Variants in PRH1 observed in about 807,000 individuals in gnomAD.
PRH1 encodes the protein salivary acidic proline-rich phosphoprotein 1/2.
Under a neutral mutation model 7.9 loss-of-function variants are expected in PRH1, and 7 were observed. The ratio of observed to expected loss-of-function variants is 0.89; its 90% CI spans 0.50 to 1.67. The LOEUF (loss-of-function observed/expected upper bound fraction) is 1.67, where lower values mean the gene tolerates loss of function less well. Ranked by LOEUF, PRH1 falls within the 40% of genes most tolerant of loss-of-function variation. PRH1 has a pLI of 0.00. For missense variants in PRH1, 109 were observed against 223.6 expected, an observed-to-expected ratio of 0.49 and a Z score of 3.27; for synonymous variants, 45 against 80.8, an observed-to-expected ratio of 0.56 and a Z score of 2.38.
intron 2 of PRH1, among the ~76,000 whole-genome samples, chr12:10,928,228 C>T (rs1591687310): frequency 1.3e-5 from 2 of 152,230 alleles, no homozygotes; most frequent in Admixed American, 1.3e-4. Flanking sequence ...AAAGAAAACT[C>T]TGATGAAACT....
At chr12:10,949,579 C>T (rs1361314715) in intron 2 of PRH1, among the ~76,000 whole-genome samples, 2 of 152,152 alleles carry the variant, frequency 1.3e-5, no homozygotes, top group Non-Finnish European at 2.9e-5. Flanking sequence ...TTAAGAAAAA[C>T]ATGATAATTA....
At chr12:10,924,585 C>T (rs1021748746) in intron 2 of PRH1, among the ~76,000 whole-genome samples, 11 of 152,310 alleles carry the variant, frequency 7.2e-5, no homozygotes, top group South Asian at 2.1e-4. Flanking sequence ...GGTACCAGCT[C>T]CTCCTTGTAA....
At chr12:11,094,299 C>CAAAAAAAAAAAAAAAAA (rs34742610) in intron 1 of PRH1, among the ~76,000 whole-genome samples, 4 of 27,016 alleles carry the variant, frequency 1.5e-4, no homozygotes, top group Non-Finnish European at 1.4e-4. Flanking sequence ...AAGACTCTGT[C>CAAAAAAAAAAAAAAAAA]AAAAAAAAAA....
chr12:10,887,879 A>G (rs1273955479), upstream of PRH1, among the ~76,000 whole-genome samples: 1 of 152,150 alleles, frequency 6.6e-6, no homozygotes, highest in Non-Finnish European at 1.5e-5. Flanking sequence ...TTCATTAGCC[A>G]TGAGTATCAC....
At chr12:10,888,931 GT>G (rs1188798937), upstream of PRH1, among the ~76,000 whole-genome samples, 1 of 152,190 alleles carries the variant, frequency 6.6e-6, no homozygotes, top group Non-Finnish European at 1.5e-5. Context: ...TTAAATCCAT[GT>G]GTCAAGGCTG....
chr12:11,144,886 C>T lies in PRH1; in HGVS notation n.40-23706G>A, dbSNP rs183572057. On this transcript the variant is annotated intron_variant and non_coding_transcript_variant, in intron 1 of 1. Coordinates refer to the PRH1 transcript ENST00000541175. ...CAGTTCTCCAGTGGTGGTGTGTGTT[C>T]AGAAGAGGAGGGTCTCCCTTTCCTA... Among the ~76,000 whole-genome samples, 334 of 152,298 alleles carry T rather than the reference C, an allele frequency of 2.2e-3. 2 individuals carry two copies. The highest frequency in any genetic ancestry group is 0.012 in the South Asian group (60 of 4,820).
intron 2 of PRH1, among the ~76,000 whole-genome samples, chr12:10,897,512 T>C (rs929998336): frequency 1.3e-5 from 2 of 152,178 alleles, no homozygotes; most frequent in African/African-American, 4.8e-5. Flanking sequence ...AGTGAATTAG[T>C]CTATTCTTGC....
chr12:10,997,401 C>T, intron 1 of PRH1: 1 of 1,614,122 alleles, frequency 6.2e-7, no homozygotes, highest in African/African-American at 1.3e-5. Context: ...ACGTTTCCTT[C>T]ACATTCTTCT....
At chr12:11,071,436 T>C (rs1430792467) in intron 1 of PRH1, among the ~76,000 whole-genome samples, 3 of 152,208 alleles carry the variant, frequency 2.0e-5, no homozygotes, top group Admixed American at 6.5e-5. Context: ...TAACTTCAGA[T>C]AGTTTGGCTG....
intron 1 of PRH1, among the ~76,000 whole-genome samples, chr12:11,008,619 A>G (rs1173708773): frequency 1.3e-5 from 2 of 152,192 alleles, no homozygotes; most frequent in Non-Finnish European, 2.9e-5. Flanking sequence ...AACTGTGTAT[A>G]GGTGCAATCC....
At chr12:11,050,409 T>G (rs1294830208), upstream of PRH1, among the ~76,000 whole-genome samples, 1 of 152,208 alleles carries the variant, frequency 6.6e-6, no homozygotes, top group African/African-American at 2.4e-5. Context: ...AGGAATACCC[T>G]TAAGTGGTTT....
chr12:10,908,752 T>G (rs148234617), intron 2 of PRH1: 2 of 1,614,028 alleles, frequency 1.2e-6, no homozygotes, highest in African/African-American at 2.7e-5. Context: ...AACATAGTCA[T>G]AGTGAATTTG....
chr12:11,018,364 C>G (rs1388772471), intron 1 of PRH1, among the ~76,000 whole-genome samples: 1 of 152,232 alleles, frequency 6.6e-6, no homozygotes, highest in Non-Finnish European at 1.5e-5. Flanking sequence ...AGTTGGAGGG[C>G]ATGAGCACAT....
chr12:11,154,178 G>T (rs7976211), intron 1 of PRH1, among the ~76,000 whole-genome samples: 69,078 of 151,852 alleles, frequency 0.45, 16,496 homozygotes, highest in Non-Finnish European at 0.53. Flanking sequence ...ATCAAACAAT[G>T]CCAAAATGTT....
At chr12:11,096,979 T>C (rs1308959460) in intron 1 of PRH1, among the ~76,000 whole-genome samples, 3 of 114,172 alleles carry the variant, frequency 2.6e-5, no homozygotes, top group Admixed American at 8.8e-5. Context: ...TTCGTATTTT[T>C]AGTAGAGACG....
intron 1 of PRH1, among the ~76,000 whole-genome samples, chr12:11,019,152 G>A (rs1012237005): frequency 6.6e-6 from 1 of 152,276 alleles, no homozygotes; most frequent in African/African-American, 2.4e-5. Context: ...GGAAATAGAA[G>A]ACAGAAGACA....
intron 2 of PRH1, among the ~76,000 whole-genome samples, chr12:10,941,799 T>C (rs1437495837): frequency 1.3e-5 from 2 of 152,156 alleles, no homozygotes; most frequent in African/African-American, 4.8e-5. Flanking sequence ...AAGAGCCTTG[T>C]TTTGTCATAT....
chr12:10,985,194 A>G (rs1404602766), intron 1 of PRH1, among the ~76,000 whole-genome samples: 1 of 152,120 alleles, frequency 6.6e-6, no homozygotes, highest in Non-Finnish European at 1.5e-5. Flanking sequence ...AACATAAGTC[A>G]TCACGGTGTT....
chr12:11,047,738 T>C (rs1942960623), upstream of PRH1, among the ~76,000 whole-genome samples: 1 of 152,060 alleles, frequency 6.6e-6, no homozygotes, highest in Admixed American at 6.6e-5. Context: ...TATGTATGTA[T>C]GTTTGTCACT....
Sources: allele counts gnomAD v4.1 joint callset (sites outside exome capture counted in the v4.1 genomes callset), GRCh38; gene constraint gnomAD v4.1.1; transcripts MANE v1.5; gene names NCBI Gene and HGNC (gene_info 2026-07-23, HGNC 2026-07-21).